RGS6: variants seen among roughly 807,000 people sequenced by gnomAD.
RGS6 encodes the protein regulator of G-protein signaling 6.
Under a neutral mutation model 78.5 loss-of-function variants are expected in RGS6, and 30 were observed. The observed-to-expected ratio is 0.38, with a 90% confidence interval of 0.29 to 0.52. RGS6 has a LOEUF of 0.52. Among genes scored for constraint, RGS6 ranks in the 20% least tolerant of loss-of-function variants. The probability of loss-of-function intolerance (pLI) is 0.85; values close to 1 mark genes in which losing one functional copy is unlikely to be tolerated. For missense variants in RGS6, 495 were observed against 609.7 expected, an observed-to-expected ratio of 0.81 and a Z score of 1.98; for synonymous variants, 206 against 206.0, an observed-to-expected ratio of 1.00 and a Z score of 0.00.
intron 2 of RGS6, among the ~76,000 whole-genome samples, chr14:72,044,716 C>CA (rs532694479): frequency 1.7e-4 from 26 of 151,842 alleles, no homozygotes; most frequent in Non-Finnish European, 3.2e-4. Context: ...ACTAAAAATA[C>CA]AAAAAAATAA....
intron 2 of RGS6, among the ~76,000 whole-genome samples, chr14:72,032,865 T>A (rs2153346874): frequency 6.6e-6 from 1 of 152,324 alleles, no homozygotes; most frequent in Admixed American, 6.5e-5. Flanking sequence ...TCCGTTGACA[T>A]TTAGGTTACT....
At chr14:72,395,338 A>G (rs1260029318) in intron 3 of RGS6, among the ~76,000 whole-genome samples, 1 of 152,190 alleles carries the variant, frequency 6.6e-6, no homozygotes, top group Admixed American at 6.6e-5. Context: ...GTGTATATAC[A>G]TATATATGGA....
intron 2 of RGS6, among the ~76,000 whole-genome samples, chr14:72,315,316 C>A (rs557754636): frequency 6.6e-6 from 1 of 152,204 alleles, no homozygotes; most frequent in East Asian, 1.9e-4. Flanking sequence ...CTTGAAATAA[C>A]GTTTACACTG....
chr14:72,153,321 G>A (rs1253830672), intron 2 of RGS6, among the ~76,000 whole-genome samples: 1 of 152,202 alleles, frequency 6.6e-6, no homozygotes, highest in African/African-American at 2.4e-5. Flanking sequence ...AGAGTTTAAA[G>A]CAGAACATTG....
intron 2 of RGS6, among the ~76,000 whole-genome samples, chr14:72,272,172 A>AT (rs1248066836): frequency 6.6e-6 from 1 of 152,114 alleles, no homozygotes. Context: ...AAAGGCACTG[A>AT]TTTTTTTGAT....
At chr14:72,445,706 A>G (rs946186220) in intron 3 of RGS6, among the ~76,000 whole-genome samples, 2 of 152,224 alleles carry the variant, frequency 1.3e-5, no homozygotes, top group African/African-American at 4.8e-5. Context: ...ATAAGCATTC[A>G]TTAGACCCCA....
the RGS6 span, among the ~76,000 whole-genome samples, chr14:71,883,074 T>C: frequency 1.3e-5 from 2 of 152,254 alleles, no homozygotes; most frequent in African/African-American, 4.8e-5. Context: ...TTAAGCCTCT[T>C]AACTGTGGCC....
At chr14:72,483,431 C>T (rs750113680) in intron 12 of RGS6, among the ~76,000 whole-genome samples, 7 of 152,076 alleles carry the variant, frequency 4.6e-5, no homozygotes, top group Non-Finnish European at 1.0e-4. Context: ...CTGAGATTGC[C>T]GCTGCTCCCT....
upstream of RGS6, among the ~76,000 whole-genome samples, chr14:71,929,177 C>A (rs974921861): frequency 6.6e-6 from 1 of 152,150 alleles, no homozygotes; most frequent in Non-Finnish European, 1.5e-5. Context: ...TAACAATGAT[C>A]CATTTTAATC....
At chr14:72,421,696 A>G (rs1393790091) in intron 3 of RGS6, 1 of 152,258 alleles carries the variant, frequency 6.6e-6, no homozygotes, top group Non-Finnish European at 1.5e-5. Context: ...TCAGTGGAGC[A>G]CCAAGGGGAG....
At chr14:72,394,244 T>C (rs1311796921) in intron 3 of RGS6, among the ~76,000 whole-genome samples, 1 of 152,140 alleles carries the variant, frequency 6.6e-6, no homozygotes, top group Non-Finnish European at 1.5e-5. Context: ...GGTTCTGTGA[T>C]GCCCCCTAAG....
chr14:72,320,089 C>T (rs1479756048), intron 2 of RGS6, among the ~76,000 whole-genome samples: 1 of 151,978 alleles, frequency 6.6e-6, no homozygotes, highest in African/African-American at 2.4e-5. Context: ...TTAAAAAAAA[C>T]CTCAGGCTAA....
intron 2 of RGS6, among the ~76,000 whole-genome samples, chr14:72,027,113 C>A (rs564726729): frequency 6.6e-6 from 1 of 152,100 alleles, no homozygotes; most frequent in African/African-American, 2.4e-5. Flanking sequence ...GAGGCTGATC[C>A]TTCAGGGCCT....
chr14:72,208,857 C>A (rs2043328639), intron 2 of RGS6, among the ~76,000 whole-genome samples: 1 of 152,166 alleles, frequency 6.6e-6, no homozygotes, highest in Non-Finnish European at 1.5e-5. Flanking sequence ...TAATTGCTTT[C>A]TCCCTTCCTG....
chr14:72,451,079 T>G (rs981583816), intron 3 of RGS6, among the ~76,000 whole-genome samples: 1 of 152,198 alleles, frequency 6.6e-6, no homozygotes, highest in African/African-American at 2.4e-5. Context: ...CTAGGTGTTG[T>G]TGCTTGTGCT....
At chr14:72,481,878 G>A (rs1388623813) in intron 12 of RGS6, among the ~76,000 whole-genome samples, 6 of 145,994 alleles carry the variant, frequency 4.1e-5, no homozygotes, top group Non-Finnish European at 3.0e-5. Context: ...GTGCAATCTC[G>A]GCTCACTGCA....
chr14:72,462,940 G>A (rs2095818517), intron 6 of RGS6, among the ~76,000 whole-genome samples: 1 of 152,168 alleles, frequency 6.6e-6, no homozygotes, highest in African/African-American at 2.4e-5. Flanking sequence ...AGGAGATTGA[G>A]GTACATAATG....
chr14:72,255,745 T>C (rs2056942349), intron 2 of RGS6, among the ~76,000 whole-genome samples: 1 of 152,258 alleles, frequency 6.6e-6, no homozygotes, highest in Admixed American at 6.5e-5. Context: ...ATTTACTTTA[T>C]ATATGAAAGA....
chr14:71,867,549 G>T, the RGS6 span, among the ~76,000 whole-genome samples: 1 of 152,184 alleles, frequency 6.6e-6, no homozygotes, highest in Admixed American at 6.5e-5. Flanking sequence ...GGGATGGAGA[G>T]TAACTCCAAG....
Sources: allele counts gnomAD v4.1 joint callset (sites outside exome capture counted in the v4.1 genomes callset), GRCh38; gene constraint gnomAD v4.1.1; transcripts MANE v1.5; gene names NCBI Gene and HGNC (gene_info 2026-07-23, HGNC 2026-07-21).